The following UBE2QL1 variants were observed in gnomAD, a reference collection of about 807,000 sequenced individuals.
The protein encoded by UBE2QL1 is ubiquitin-conjugating enzyme E2Q-like protein 1.
In UBE2QL1, 5 loss-of-function variants were observed where a neutral mutation model predicts 12.6. The ratio of observed to expected loss-of-function variants is 0.40; its 90% CI spans 0.21 to 0.83. The LOEUF (loss-of-function observed/expected upper bound fraction) is 0.83. Among genes scored for constraint, UBE2QL1 ranks in the 40% least tolerant of loss-of-function variants. The pLI is 0.37. For missense variants in UBE2QL1, 99 were observed against 222.6 expected, an observed-to-expected ratio of 0.44 and a Z score of 3.53; for synonymous variants, 96 against 94.5, an observed-to-expected ratio of 1.02 and a Z score of -0.10.
intron 1 of UBE2QL1, among the ~76,000 whole-genome samples, chr5:6,473,480 C>G (rs1734139910): frequency 6.6e-6 from 1 of 152,244 alleles, no homozygotes; most frequent in Admixed American, 6.5e-5. Context: ...CCTCCTTCTG[C>G]TCACCACCCA....
intron 1 of UBE2QL1, among the ~76,000 whole-genome samples, chr5:6,483,450 A>C (rs939512410): frequency 6.6e-6 from 1 of 151,692 alleles, no homozygotes. Flanking sequence ...AATAAGAAAA[A>C]AAAAAAAATG....
chr5:6,484,497 G>C (rs974943259), intron 1 of UBE2QL1, among the ~76,000 whole-genome samples: 1 of 152,196 alleles, frequency 6.6e-6, no homozygotes, highest in Admixed American at 6.5e-5. Context: ...CCCTTGGCAA[G>C]TCAGTTAATG....
intron 1 of UBE2QL1, among the ~76,000 whole-genome samples, chr5:6,450,495 G>A (rs868685938): frequency 3.3e-5 from 5 of 152,140 alleles, no homozygotes; most frequent in Admixed American, 6.5e-5. Flanking sequence ...TGCTGTGTGG[G>A]CATCTTTTAG....
In UBE2QL1 at chr5:6,479,824, AC is replaced by A. The variant is rs1261883539; in HGVS notation, c.355-11391del. ...GGGACAGAGACTCACCAGGGAGGTC[AC>A]CCACCCTGTTCACCACGTCAGGCAG... On this transcript the variant is annotated intron_variant, in intron 1 of 1. Transcript: ENST00000399816. This position sits in a 1 kb window ranked among gnomAD's most constrained non-coding sequence, Gnocchi z 4.2. 6.6e-6 allele frequency among the ~76,000 whole-genome samples: 1 copy of A among 152,164 alleles called. No homozygotes were observed. The highest frequency in any genetic ancestry group is 1.5e-5 in the Non-Finnish European group (1 of 68,034).
chr5:6,485,149 G>A (rs755257171), intron 1 of UBE2QL1, among the ~76,000 whole-genome samples: 26 of 151,878 alleles, frequency 1.7e-4, no homozygotes, highest in African/African-American at 5.8e-4. Context: ...TGCATTACTC[G>A]TGCACATGCT....
At chr5:6,489,534 G>A (rs75860430) in intron 1 of UBE2QL1, among the ~76,000 whole-genome samples, 2,704 of 152,320 alleles carry the variant, frequency 0.018, 77 homozygotes, top group African/African-American at 0.061. Context: ...GGCAGAGTTT[G>A]GTAACCCTGG....
At chr5:6,472,099 T>G (rs1260015610) in intron 1 of UBE2QL1, among the ~76,000 whole-genome samples, 1 of 152,214 alleles carries the variant, frequency 6.6e-6, no homozygotes, top group Admixed American at 6.5e-5. Context: ...CTCTGTGCCT[T>G]GCTCTGAATC....
chr5:6,462,307 C>G (rs1010775468), intron 1 of UBE2QL1, among the ~76,000 whole-genome samples: 1 of 152,154 alleles, frequency 6.6e-6, no homozygotes, highest in Non-Finnish European at 1.5e-5. Context: ...GCAGGGCCAC[C>G]ATTGAGGGTA....
intron 1 of UBE2QL1, among the ~76,000 whole-genome samples, chr5:6,463,788 T>C (rs981146984): frequency 5.3e-5 from 8 of 150,274 alleles, no homozygotes; most frequent in African/African-American, 1.5e-4. Flanking sequence ...CCACCATGCC[T>C]GGCTAATTTT....
chr5:6,487,380 A>G (rs1405317575), intron 1 of UBE2QL1, among the ~76,000 whole-genome samples: 1 of 152,252 alleles, frequency 6.6e-6, no homozygotes, highest in Non-Finnish European at 1.5e-5. Flanking sequence ...CTTCTGTATT[A>G]CAATGAGACT....
At chr5:6,480,278 TGTCTCCATTTTCTC>T in intron 1 of UBE2QL1, among the ~76,000 whole-genome samples, 1 of 152,326 alleles carries the variant, frequency 6.6e-6, no homozygotes, top group Admixed American at 6.5e-5. Flanking sequence ...TTGATCTGTG[TGTCTCCATTTTCTC>T]GTCTGTAAAA....
intron 1 of UBE2QL1, among the ~76,000 whole-genome samples, chr5:6,474,066 A>G (rs564238339): frequency 3.3e-5 from 5 of 152,358 alleles, no homozygotes; most frequent in East Asian, 3.9e-4. Flanking sequence ...TTTTACTTTG[A>G]AAGTCCAGTT....
intron 1 of UBE2QL1, among the ~76,000 whole-genome samples, chr5:6,470,857 C>T (rs1046598324): frequency 1.3e-5 from 2 of 152,110 alleles, no homozygotes; most frequent in African/African-American, 4.8e-5. Flanking sequence ...GTGGGAACAC[C>T]CTCCATATTG....
At chr5:6,449,312 C>G in intron 1 of UBE2QL1, 65 bp downstream of exon 1, 2 of 1,291,528 alleles carry the variant, frequency 1.5e-6, no homozygotes, top group Admixed American at 4.2e-5. Flanking sequence ...CCGCCGGGCG[C>G]CCGGGCCCCG....
chr5:6,483,820 C>T (rs1156595617), intron 1 of UBE2QL1, among the ~76,000 whole-genome samples: 1 of 152,144 alleles, frequency 6.6e-6, no homozygotes, highest in Non-Finnish European at 1.5e-5. Context: ...GTCCATGTAG[C>T]CATGTGGCCC....
chr5:6,466,000 C>T (rs986641961), intron 1 of UBE2QL1, among the ~76,000 whole-genome samples: 10 of 152,028 alleles, frequency 6.6e-5, no homozygotes, highest in Admixed American at 1.3e-4. Flanking sequence ...CCTCCCTCCC[C>T]TCACACTCCC....
intron 1 of UBE2QL1, among the ~76,000 whole-genome samples, chr5:6,466,250 G>A (rs1483874299): frequency 1.3e-5 from 2 of 152,190 alleles, no homozygotes; most frequent in Non-Finnish European, 2.9e-5. Context: ...TCAGCACCAG[G>A]CAGCCATCAT....
intron 1 of UBE2QL1, among the ~76,000 whole-genome samples, chr5:6,457,941 A>G (rs1337515285): frequency 6.6e-6 from 1 of 152,264 alleles, no homozygotes; most frequent in Admixed American, 6.5e-5. Context: ...GTACGGAATT[A>G]TCAGCAACGT....
rs188320338 is a variant in UBE2QL1, at chr5:6,488,084, G to A, written c.355-3134G>A. Among the ~76,000 whole-genome samples, 14 of 152,354 alleles carry A rather than the reference G, an allele frequency of 9.2e-5. No homozygotes were observed. In the East Asian group the frequency reaches 2.7e-3, roughly 29 times the overall value. On this transcript the variant is annotated intron_variant, in intron 1 of 1. Transcript: ENST00000399816. ...AACGTGGGTGTAAGAGACAGGAGAT[G>A]CGATGAGAGCTCCTTATCACAGTGT...
Sources: allele counts gnomAD v4.1 joint callset (sites outside exome capture counted in the v4.1 genomes callset), GRCh38; gene constraint gnomAD v4.1.1; non-coding constraint Gnocchi (gnomAD v3.1); transcripts MANE v1.5; gene names NCBI Gene and HGNC (gene_info 2026-07-23, HGNC 2026-07-21).